Variants in KCNA2 observed in about 807,000 individuals in gnomAD.
The protein encoded by KCNA2 is potassium voltage-gated channel subfamily A member 2.
In KCNA2, 11 loss-of-function variants were observed where a neutral mutation model predicts 33.4. That is an observed-to-expected ratio of 0.33 (90% CI 0.21 to 0.55). The LOEUF (loss-of-function observed/expected upper bound fraction) is 0.55, where lower values mean the gene tolerates loss of function less well. Among genes scored for constraint, KCNA2 ranks in the 20% least tolerant of loss-of-function variants. The pLI is 0.93. For missense variants in KCNA2, 291 were observed against 621.6 expected (o/e 0.47, Z 5.66); for synonymous variants, 222 against 231.3 (o/e 0.96, Z 0.37).
rs532330939 is a variant in KCNA2 at position 110,630,278 on chromosome 1, C to T, written c.-496+1117G>A. ...TCAGGTGATCCGCCCACCTCGGCCT[C>T]CCAAAGTGCTGGGATTACAGGTGTG... is the stretch of plus-strand genomic sequence containing the variant. On this transcript the variant is annotated intron_variant, in intron 1 of 4. Transcript: ENST00000369770. Among the ~76,000 whole-genome samples, 6 of 152,250 alleles carry T rather than the reference C, an allele frequency of 3.9e-5. 1 individual carries two copies. The highest frequency in any genetic ancestry group is 6.8e-3 in the Middle Eastern group (2 of 294).
upstream of KCNA2, among the ~76,000 whole-genome samples, chr1:110,609,520 G>C (rs1487890362): frequency 6.6e-6 from 1 of 152,158 alleles, no homozygotes; most frequent in East Asian, 1.9e-4. Flanking sequence ...TTAGGTCTTT[G>C]TGATTCTAGG....
At chr1:110,624,977 A>G (rs1007098753) in intron 1 of KCNA2, among the ~76,000 whole-genome samples, 5 of 152,176 alleles carry the variant, frequency 3.3e-5, no homozygotes, top group Admixed American at 6.5e-5. Flanking sequence ...TGCCAATAGA[A>G]AAACCTTGGC....
At chr1:110,623,178 A>G (rs1650302958) in intron 1 of KCNA2, among the ~76,000 whole-genome samples, 1 of 152,236 alleles carries the variant, frequency 6.6e-6, no homozygotes, top group South Asian at 2.1e-4. Context: ...TATATGGACA[A>G]TTGATTTTTG....
intron 1 of KCNA2, among the ~76,000 whole-genome samples, chr1:110,620,075 A>AGTGAGT (rs1650207990): frequency 6.9e-6 from 1 of 145,140 alleles, no homozygotes; most frequent in Non-Finnish European, 1.5e-5. Context: ...AGAGAGAGAG[A>AGTGAGT]GAGAGAGAGA....
chr1:110,623,119 C>A (rs1170358073), intron 1 of KCNA2, among the ~76,000 whole-genome samples: 1 of 152,094 alleles, frequency 6.6e-6, no homozygotes, highest in Non-Finnish European at 1.5e-5. Context: ...TCAAGATAGA[C>A]AAATAGATCA....
At chr1:110,611,853 T>A (rs1649884956) in intron 1 of KCNA2, among the ~76,000 whole-genome samples, 1 of 151,770 alleles carries the variant, frequency 6.6e-6, no homozygotes, top group Admixed American at 6.6e-5. Context: ...TGAAACTCCA[T>A]CTCTACAAAA....
Position 110,599,241 on chromosome 1 carries a change from C to T in KCNA2, c.*4042G>A, listed in dbSNP as rs1283621017. The T allele has an allele frequency of 1.0e-6, 1 of 985,264 alleles. No homozygotes were observed. The highest frequency in any genetic ancestry group is 1.2e-6 in the Non-Finnish European group (1 of 829,860). 61.0% of individuals were successfully genotyped at this position (985,264 alleles called of 1,614,324 possible). ...CCTTTGCTAAAATGCACTCAGCTCT[C>T]AGCTAGTCCTACTTAGGGGAAGAAC... is the stretch of plus-strand genomic sequence containing the variant. On this transcript the variant is annotated 3_prime_UTR_variant, in exon 3 of 3. Coordinates refer to ENST00000316361, the MANE Select transcript of KCNA2 (RefSeq NM_004974.4).
In KCNA2 at chr1:110,594,807, T is replaced by G; in HGVS notation, c.*8476A>C. 7.1e-6 allele frequency: 7 copies of G among 985,524 alleles called. No homozygotes were observed. Among genetic ancestry groups the G allele is most frequent in the Non-Finnish European group, 8.4e-6 (7 of 830,056 alleles). 61.0% of individuals were successfully genotyped at this position (985,524 alleles called of 1,614,324 possible). The stretch of plus-strand genomic sequence containing the variant: ...TCTCTTCTTGCTTTTCTATCCCATT[T>G]CTTAGCCTGGAGCTGATGTGCTCCT... On this transcript the variant is annotated 3_prime_UTR_variant, in exon 3 of 3. Coordinates refer to ENST00000316361, the MANE Select transcript of KCNA2 (RefSeq NM_004974.4).
Position 110,593,846 on chromosome 1 carries a change from TTGG to T in KCNA2, c.*9434_*9436del, listed in dbSNP as rs755308953. On this transcript the variant is annotated 3_prime_UTR_variant, in exon 3 of 3. Transcript: ENST00000316361. The stretch of plus-strand genomic sequence containing the variant: ...TGCAGAAGTCCTGGGTGGGGCAGTG[TTGG>T]TGGGGCTGAAAGCTTCCAGAATATG... The T allele has an allele frequency of 1.3e-6, 2 of 1,548,688 alleles. No homozygotes were observed. Among genetic ancestry groups the T allele is most frequent in the Non-Finnish European group, 8.7e-7 (1 of 1,146,198 alleles).
Position 110,596,069 on chromosome 1 carries a change from G to C in KCNA2, c.*7214C>G, listed in dbSNP as rs1414656438. ...AGACTTCCCTTTTATCCCTGAGTCA[G>C]GCAGCCACCTGGGAGGGAAAGGAAA... On this transcript the variant is annotated 3_prime_UTR_variant, in exon 3 of 3. Coordinates refer to ENST00000316361, the MANE Select transcript of KCNA2 (RefSeq NM_004974.4). 1 of 985,280 alleles carries C rather than the reference G, an allele frequency of 1.0e-6. No homozygotes were observed. The highest frequency in any genetic ancestry group is 1.7e-5 in the African/African-American group (1 of 57,224). The allele number at this position is 985,280 out of a possible 1,614,324, so 61.0% of individuals were successfully genotyped here.
chr1:110,616,025 G>C (rs1206702282), intron 1 of KCNA2, among the ~76,000 whole-genome samples: 1 of 152,244 alleles, frequency 6.6e-6, no homozygotes, highest in Non-Finnish European at 1.5e-5. Context: ...TTCAGAAAAA[G>C]AGAGACCTGA....
rs1183148707 is a variant in KCNA2 at position 110,599,401 on chromosome 1, T to C, written c.*3882A>G. 2 of 985,314 alleles carry C rather than the reference T, an allele frequency of 2.0e-6. No homozygotes were observed. Among genetic ancestry groups the C allele is most frequent in the African/African-American group, 3.5e-5 (2 of 57,246 alleles). The allele number at this position is 985,314 out of a possible 1,614,324, so 61.0% of individuals were successfully genotyped here. ...TTAGATGTATGTTCTTAATCACTTT[T>C]TACTTAAGCTGAACTGGGTTGCATA... is the stretch of plus-strand genomic sequence containing the variant. On this transcript the variant is annotated 3_prime_UTR_variant, in exon 3 of 3. Transcript: ENST00000316361.
intron 1 of KCNA2, among the ~76,000 whole-genome samples, chr1:110,620,205 C>T (rs1288440354): frequency 6.6e-6 from 1 of 152,198 alleles, no homozygotes; most frequent in Non-Finnish European, 1.5e-5. Context: ...TTCAGACCCT[C>T]TCTTCTCCTT....
Position 110,604,371 on chromosome 1 carries a change from G to A in KCNA2, c.412C>T (p.Arg138Cys), listed in dbSNP as rs757141567. The A allele has an allele frequency of 6.2e-7, 1 of 1,614,054 alleles. No individual in the cohort carries two copies. Among genetic ancestry groups the A allele is most frequent in the Non-Finnish European group, 8.5e-7 (1 of 1,180,014 alleles). ...TGAAACTCATTTTCAGGCAGAGGACGCTCTTCCTCCTTGATGTAGCCTTCA... is the reference window on the plus strand; with the variant it reads ...TGAAACTCATTTTCAGGCAGAGGACACTCTTCCTCCTTGATGTAGCCTTCA... ...EDEGYIKEEE[R>C]PLPENEFQRQ... Residue 138 changes from arginine to cysteine, a missense_variant, in exon 3 of 3, where the codon CGT (arginine) becomes TGT (cysteine). Physicochemically the swap from Arg to Cys is radical, Grantham distance 180. This residue lies in a region of KCNA2 where 163 missense variants were observed against 273.5 expected (regional missense o/e 0.60). Transcript: ENST00000316361. This position sits in a 1 kb window ranked among gnomAD's most constrained non-coding sequence, Gnocchi z 7.6.
At chr1:110,611,038 A>G (rs1409183219), upstream of KCNA2, among the ~76,000 whole-genome samples, 1 of 143,812 alleles carries the variant, frequency 7.0e-6, no homozygotes, top group Non-Finnish European at 1.6e-5. Context: ...GGAAGGAAGG[A>G]AGGAAGGAAG....
Position 110,600,629 on chromosome 1 carries a change from T to C in KCNA2, c.*2654A>G, listed in dbSNP as rs1649299542. The C allele has an allele frequency of 1.0e-6, 1 of 985,348 alleles. No homozygotes were observed. The highest frequency in any genetic ancestry group is 1.1e-4 in the East Asian group (1 of 8,808). 61.0% of individuals were successfully genotyped at this position (985,348 alleles called of 1,614,324 possible). On this transcript the variant is annotated 3_prime_UTR_variant, in exon 3 of 3. Coordinates refer to ENST00000316361, the MANE Select transcript of KCNA2 (RefSeq NM_004974.4). ...ATGACTGTATGTGAACATTTTAGAG[T>C]CCTGGGCCAAGGACACTGTGATAAG...
chr1:110,614,259 G>A (rs542524876), intron 1 of KCNA2, among the ~76,000 whole-genome samples: 5 of 152,248 alleles, frequency 3.3e-5, no homozygotes, highest in East Asian at 1.9e-4. Flanking sequence ...GGCCATCCTC[G>A]GAAGTTTTCT....
At chr1:110,621,470 C>G (rs1650257053) in intron 1 of KCNA2, among the ~76,000 whole-genome samples, 1 of 151,760 alleles carries the variant, frequency 6.6e-6, no homozygotes, top group South Asian at 2.1e-4. Flanking sequence ...CAAGTGAAAC[C>G]CAAAATGAGC....
chr1:110,600,853 C>T lies in KCNA2; in HGVS notation c.*2430G>A, dbSNP rs1331299039. The T allele has an allele frequency of 1.0e-6, 1 of 985,470 alleles. No homozygotes were observed. Among genetic ancestry groups the T allele is most frequent in the Non-Finnish European group, 1.2e-6 (1 of 829,976 alleles). 61.0% of individuals were successfully genotyped at this position (985,470 alleles called of 1,614,324 possible). Reference sequence around the variant, plus strand: ...ATGTGGGTGACCAGGCACTAATGAGCACCCTGGGCCTAGCACCCTGAGCTG... The same window carrying T: ...ATGTGGGTGACCAGGCACTAATGAGTACCCTGGGCCTAGCACCCTGAGCTG... On this transcript the variant is annotated 3_prime_UTR_variant, in exon 3 of 3. Coordinates refer to ENST00000316361, the MANE Select transcript of KCNA2 (RefSeq NM_004974.4).
Sources: gnomAD v4.1 joint callset for allele counts (sites outside exome capture counted in the v4.1 genomes callset) on GRCh38, gnomAD v4.1.1 for gene constraint, gnomAD v4.1.1 regional missense constraint, Gnocchi (gnomAD v3.1) non-coding constraint, MANE v1.5 for transcripts, NCBI Gene and HGNC (gene_info 2026-07-23, HGNC 2026-07-21) for gene names.